MCF2: variants seen among roughly 807,000 people sequenced by gnomAD.
MCF2 encodes the protein MCF.2 cell line derived transforming sequence.
MCF2 carries 44 observed loss-of-function variants against 82.5 expected under a neutral mutation model. That is an observed-to-expected ratio of 0.53 (90% CI 0.42 to 0.69). The LOEUF is 0.69. Ranked by LOEUF, MCF2 falls within the 30% of genes least tolerant of loss-of-function variation. MCF2 has a pLI of 0.00. For synonymous variants in MCF2, 217 were observed against 224.9 expected, an observed-to-expected ratio of 0.96 and a Z score of 0.32; for missense variants, 623 against 663.1, an observed-to-expected ratio of 0.94 and a Z score of 0.66.
intron 19 of MCF2, among the ~76,000 whole-genome samples, chrX:139,593,859 T>C (rs1469000533): frequency 5.4e-5 from 6 of 111,172 alleles, no homozygotes; most frequent in African/African-American, 2.0e-4. Context: ...CTTAAGCTGA[T>C]AAGCAACTTC....
intron 2 of MCF2, among the ~76,000 whole-genome samples, chrX:139,649,231 G>C (rs1402675154): frequency 9.0e-6 from 1 of 111,686 alleles, no homozygotes; most frequent in Non-Finnish European, 1.9e-5. Context: ...TAAATCAAAG[G>C]GTTATTAATC....
intron 1 of MCF2, among the ~76,000 whole-genome samples, chrX:139,681,086 C>G (rs1934987118): frequency 8.9e-6 from 1 of 112,314 alleles, no homozygotes; most frequent in Admixed American, 9.4e-5. Flanking sequence ...TAATTGCCAT[C>G]AAAGAGTCTC....
intron 1 of MCF2, among the ~76,000 whole-genome samples, chrX:139,690,799 T>C (rs887148279): frequency 8.9e-6 from 1 of 111,928 alleles, no homozygotes; most frequent in Non-Finnish European, 1.9e-5. Flanking sequence ...TAGAACCTAC[T>C]AAGTCAAAAC....
At chrX:139,663,799 A>G (rs1289589364) in intron 1 of MCF2, among the ~76,000 whole-genome samples, 1 of 110,289 alleles carries the variant, frequency 9.1e-6, no homozygotes, top group Non-Finnish European at 1.9e-5. Flanking sequence ...TGCAGTCTAT[A>G]TCTCTCTTTA....
intron 10 of MCF2, among the ~76,000 whole-genome samples, chrX:139,610,846 C>T (rs1210538265): frequency 9.0e-6 from 1 of 111,020 alleles, no homozygotes; most frequent in African/African-American, 3.3e-5. Context: ...AACTTCTATC[C>T]CTATCTTCTA....
Position 139,626,324 on chromosome X carries a change from C to G in MCF2, c.573-17G>C. On this transcript the variant is annotated splice_polypyrimidine_tract_variant and intron_variant, in intron 5 of 24. Transcript: ENST00000370576. ...GTCAGCAACCTTAAGAAAGAAAACT[C>G]CAATAAATTCCTAAAAGCAACTATC... 1.0e-6 allele frequency: 1 copy of G among 954,136 alleles called. No homozygotes were observed. The highest frequency in any genetic ancestry group is 1.5e-6 in the Non-Finnish European group (1 of 675,190). The allele number at this position is 954,136 out of a possible 1,213,427, so 78.6% of individuals were successfully genotyped here. A position where few individuals can be genotyped will look rare whatever the true frequency, so the allele number is the denominator to read the frequency against.
intron 1 of MCF2, among the ~76,000 whole-genome samples, chrX:139,676,890 G>A (rs1934879013): frequency 9.0e-6 from 1 of 111,664 alleles, no homozygotes; most frequent in African/African-American, 3.3e-5. Context: ...CTTCCCACCA[G>A]GAATGTCAGG....
chrX:139,684,708 C>A (rs753466611), intron 1 of MCF2, among the ~76,000 whole-genome samples: 1 of 111,735 alleles, frequency 8.9e-6, no homozygotes, highest in South Asian at 3.7e-4. Context: ...GTGAAAGAAG[C>A]CAGTCACAAG....
At chrX:139,589,957 G>A (rs1399480283) in intron 19 of MCF2, 30 bp from the exon 24 acceptor site, 1 of 905,896 alleles carries the variant, frequency 1.1e-6, no homozygotes, top group African/African-American at 2.0e-5. Context: ...ATTTTCATGA[G>A]CATTTTATTT....
chrX:139,593,385 C>A (rs1427063992), intron 19 of MCF2, among the ~76,000 whole-genome samples: 1 of 110,949 alleles, frequency 9.0e-6, no homozygotes, highest in East Asian at 2.8e-4. Context: ...GAAATTGGGG[C>A]AATAATCAAT....
At chrX:139,582,396 T>G in exon 25 of MCF2, 3 of 1,090,591 alleles carry the variant, frequency 2.8e-6, no homozygotes, top group Non-Finnish European at 3.8e-6. Context: ...CTCAATGTCT[T>G]TTGCGCAGTA....
chrX:139,624,303 G>A (rs1314613155), intron 6 of MCF2, among the ~76,000 whole-genome samples: 5 of 111,083 alleles, frequency 4.5e-5, no homozygotes, highest in Admixed American at 1.9e-4. Context: ...CACTTTGGGA[G>A]GCTGAGGCGG....
intron 23 of MCF2, among the ~76,000 whole-genome samples, chrX:139,585,444 T>A (rs1928866241): frequency 9.0e-6 from 1 of 111,729 alleles, no homozygotes; most frequent in Admixed American, 9.5e-5. Flanking sequence ...CTTACTTCTT[T>A]GGGGGCCACA....
At chrX:139,586,326 G>T in intron 23 of MCF2, 52 bp downstream of exon 27, 1 of 897,594 alleles carries the variant, frequency 1.1e-6, no homozygotes. Flanking sequence ...ATAATACGAG[G>T]TAAAAATTTG....
intron 1 of MCF2, among the ~76,000 whole-genome samples, chrX:139,682,492 A>G (rs1935023065): frequency 8.9e-6 from 1 of 112,609 alleles, no homozygotes; most frequent in African/African-American, 3.2e-5. Flanking sequence ...GTGATTTACA[A>G]TATGTAAAAA....
chrX:139,687,929 G>A (rs1041251569), intron 1 of MCF2, among the ~76,000 whole-genome samples: 2 of 111,835 alleles, frequency 1.8e-5, no homozygotes, highest in Non-Finnish European at 3.8e-5. Flanking sequence ...CCTACTCATG[G>A]TCTATTATAC....
rs138691465 is a variant in MCF2 at position 139,632,283 on chromosome X, C to T, written c.171+52G>A. On this transcript the variant is annotated intron_variant, in intron 2 of 24. Transcript: ENST00000370576. ...CATGTAAAATATAAACAGCATGGTACAGGTCTTCATGAGAATTAGAGGAAC... is the reference window on the plus strand; with the variant it reads ...CATGTAAAATATAAACAGCATGGTATAGGTCTTCATGAGAATTAGAGGAAC... The T allele has an allele frequency of 2.9e-3, 3,009 of 1,033,739 alleles. 38 individuals carry two copies. In the African/African-American group the frequency reaches 0.046, roughly 16 times the overall value. 85.2% of individuals were successfully genotyped at this position (1,033,739 alleles called of 1,213,427 possible). A position where few individuals can be genotyped will look rare whatever the true frequency, so the allele number is the denominator to read the frequency against.
chrX:139,608,331 C>G (rs1240693855), intron 11 of MCF2, among the ~76,000 whole-genome samples: 6 of 110,712 alleles, frequency 5.4e-5, no homozygotes. Flanking sequence ...GAACTCTATT[C>G]TTTCTTGAAA....
In MCF2 at chrX:139,635,001, C is replaced by T. The variant is rs758399574; in HGVS notation, c.52-2547G>A. Among the ~76,000 whole-genome samples the T allele has an allele frequency of 1.2e-4, 13 of 111,332 alleles. No homozygotes were observed. In the South Asian group the frequency reaches 4.2e-3, roughly 36 times the overall value. On this transcript the variant is annotated intron_variant, in intron 1 of 24. Transcript: ENST00000370576. ...GTTCCAGTTACTCAGGAGGCTGAGG[C>T]GGGAGGATCACTTGAGCCCAGGAAG...
Sources: allele counts gnomAD v4.1 joint callset (sites outside exome capture counted in the v4.1 genomes callset), GRCh38; gene constraint gnomAD v4.1.1; transcripts MANE v1.5; gene names NCBI Gene and HGNC (gene_info 2026-07-23, HGNC 2026-07-21).